The following RANBP10 variants were observed in gnomAD, a reference collection of about 807,000 sequenced individuals.
RANBP10 encodes RAN binding protein 10, also known as ran-binding protein 10.
RANBP10 carries 24 observed loss-of-function variants against 72.8 expected under a neutral mutation model. The observed-to-expected ratio is 0.33, with a 90% CI of 0.24 to 0.46. The LOEUF is 0.46. Among genes scored for constraint, RANBP10 ranks in the 20% least tolerant of loss-of-function variants. The pLI, the probability that RANBP10 is intolerant of heterozygous loss-of-function variation, is 1.00. For missense variants in RANBP10, 679 were observed against 817.5 expected, an observed-to-expected ratio of 0.83 and a Z score of 2.07; for synonymous variants, 310 against 322.3, an observed-to-expected ratio of 0.96 and a Z score of 0.41.
Position 67,723,381 on chromosome 16 carries a change from G to A in RANBP10, c.*3047C>T, listed in dbSNP as rs2053558047. 1 of 152,710 alleles carries A rather than the reference G, an allele frequency of 6.5e-6. No homozygotes were observed. Among genetic ancestry groups the A allele is most frequent in the South Asian group, 2.1e-4 (1 of 4,838 alleles). The allele number at this position is 152,710 out of a possible 1,614,324, so 9.5% of individuals were successfully genotyped here. A position where few individuals can be genotyped will look rare whatever the true frequency, so the allele number is the denominator to read the frequency against. ...CAGGTCTGGGTGCATGAGACTGGCA[G>A]TCTAGTAGGGCTCCGCTGCCTGGCT... On this transcript the variant is annotated 3_prime_UTR_variant, in exon 14 of 14. Transcript: ENST00000317506.
chr16:67,754,235 G>A (rs1041848655), intron 3 of RANBP10, among the ~76,000 whole-genome samples: 1 of 152,144 alleles, frequency 6.6e-6, no homozygotes, highest in Admixed American at 6.5e-5. Flanking sequence ...GTAGCCAGCG[G>A]CTGAACAAGG....
chr16:67,787,848 A>T (rs1030304387), intron 2 of RANBP10, among the ~76,000 whole-genome samples: 23 of 151,296 alleles, frequency 1.5e-4, no homozygotes, highest in South Asian at 4.2e-4. Flanking sequence ...AAAAAAAAAA[A>T]TTTTTTTTTG....
At chr16:67,728,738 C>A (rs770934910) in intron 10 of RANBP10, 4 of 733,238 alleles carry the variant, frequency 5.5e-6, no homozygotes, top group Non-Finnish European at 8.8e-6. Context: ...CCAGTGCTGC[C>A]TCTGTGATTC....
intron 3 of RANBP10, 68 bp from the exon 4 acceptor site, chr16:67,744,523 C>A (rs925059357): frequency 8.9e-5 from 131 of 1,479,208 alleles, no homozygotes; most frequent in Non-Finnish European, 1.1e-4. Context: ...GTCACAGAAG[C>A]CCACCCAGGT....
At chr16:67,726,672 G>A (rs1351659563) in intron 13 of RANBP10, 114 bp from the exon 14 acceptor site, 2 of 1,254,372 alleles carry the variant, frequency 1.6e-6, no homozygotes, top group Non-Finnish European at 2.2e-6. Context: ...GGAACAGAGT[G>A]TTCAGTACCT....
chr16:67,750,111 G>T (rs1053747139), intron 3 of RANBP10, among the ~76,000 whole-genome samples: 2 of 152,188 alleles, frequency 1.3e-5, no homozygotes, highest in Non-Finnish European at 2.9e-5. Flanking sequence ...AGGGGTCTGG[G>T]ATGCCAGGAG....
intron 4 of RANBP10, among the ~76,000 whole-genome samples, chr16:67,743,608 A>T (rs2054011479): frequency 6.6e-6 from 1 of 152,130 alleles, no homozygotes; most frequent in Non-Finnish European, 1.5e-5. Flanking sequence ...GGTTAACAAC[A>T]GTACTAATCC....
At chr16:67,806,198 G>C (rs1457413227) in intron 1 of RANBP10, 104 bp downstream of exon 1, 1 of 1,142,862 alleles carries the variant, frequency 8.7e-7, no homozygotes, top group Non-Finnish European at 1.2e-6. Context: ...CCCTAACTTG[G>C]AGCACCTAGG....
intron 2 of RANBP10, among the ~76,000 whole-genome samples, chr16:67,774,820 A>G (rs1231518167): frequency 2.0e-5 from 3 of 152,348 alleles, no homozygotes; most frequent in Non-Finnish European, 1.5e-5. Context: ...GCACTCTTCT[A>G]TCTTCCAGAA....
chr16:67,723,475 ATCT>A lies in RANBP10; in HGVS notation c.*2950_*2952del, dbSNP rs888993152. On this transcript the variant is annotated 3_prime_UTR_variant, in exon 14 of 14. Transcript: ENST00000317506. ...TTCAGCTCTGACAATTCTCTGCCTC[ATCT>A]TCTTTGTGCTTGCTTAAGGAGTGGG... is the stretch of plus-strand genomic sequence containing the variant. The A allele has an allele frequency of 7.9e-5, 12 of 152,630 alleles. No individual in the cohort carries two copies. The highest frequency in any genetic ancestry group is 1.3e-4 in the Non-Finnish European group (9 of 68,064). The allele number at this position is 152,630 out of a possible 1,614,324, so 9.5% of individuals were successfully genotyped here.
chr16:67,759,233 G>A (rs919365), intron 3 of RANBP10, among the ~76,000 whole-genome samples: 152,353 of 152,360 alleles, frequency 1, 76,173 homozygotes, highest in Non-Finnish European at 1. Flanking sequence ...CCATGTGCCA[G>A]GGGTCTCTCG....
Position 67,729,660 on chromosome 16 carries a change from C to A in RANBP10, c.1147+20G>T. 6.3e-7 allele frequency: 1 copy of A among 1,597,394 alleles called. No individual in the cohort carries two copies. Among genetic ancestry groups the A allele is most frequent in the South Asian group, 1.1e-5 (1 of 88,408 alleles). ...TCCTCCACACCAGTTCTTCCCAGAG[C>A]CCTCTGGAGAGTGGCTGACCTGTGT... On this transcript the variant is annotated intron_variant, in intron 9 of 13. Coordinates refer to ENST00000317506, the MANE Select transcript of RANBP10 (RefSeq NM_020850.3). This position sits in a 1 kb window ranked among gnomAD's most constrained non-coding sequence, Gnocchi z 7.1.
At chr16:67,753,517 T>C (rs1228844267) in intron 3 of RANBP10, among the ~76,000 whole-genome samples, 2 of 152,082 alleles carry the variant, frequency 1.3e-5, no homozygotes, top group African/African-American at 4.8e-5. Context: ...CAAAGCCAGA[T>C]GATGGGCTAG....
intron 2 of RANBP10, among the ~76,000 whole-genome samples, chr16:67,779,417 A>G (rs918685676): frequency 6.6e-6 from 1 of 151,698 alleles, no homozygotes; most frequent in Non-Finnish European, 1.5e-5. Context: ...AAAAAAAAAC[A>G]CAGCGAGATA....
chr16:67,785,256 G>C lies in RANBP10; in HGVS notation c.348-13170C>G, dbSNP rs1319501399. On this transcript the variant is annotated intron_variant, in intron 2 of 13. Transcript: ENST00000317506. ...AAAAAGAAAGAAAGAAAGAAGGGAG[G>C]GAGGGAAGGAAGGGAAAAACTAAAA... is the stretch of plus-strand genomic sequence containing the variant. Among the ~76,000 whole-genome samples, 3 of 150,810 alleles carry C rather than the reference G, an allele frequency of 2.0e-5. No homozygotes were observed. In the East Asian group the frequency reaches 5.8e-4, roughly 29 times the overall value.
chr16:67,726,635 A>G lies in RANBP10; in HGVS notation c.1733-77T>C, dbSNP rs2053607278. The G allele has an allele frequency of 4.8e-6, 7 of 1,460,148 alleles. No individual in the cohort carries two copies. The Admixed American group carries it at 1.6e-4, about 34-fold the overall frequency. 90.4% of individuals were successfully genotyped at this position (1,460,148 alleles called of 1,614,324 possible). On this transcript the variant is annotated intron_variant, in intron 13 of 13. Transcript: ENST00000317506. ...AGGTCAAAGTTCCCTTGGGGGTGGA[A>G]GGAGGGGGCAGTGGACAGATTCTCT... is the stretch of plus-strand genomic sequence containing the variant.
chr16:67,788,171 C>G (rs1487692156), intron 2 of RANBP10, among the ~76,000 whole-genome samples: 1 of 151,710 alleles, frequency 6.6e-6, no homozygotes, highest in African/African-American at 2.4e-5. Flanking sequence ...TCTCAAGTAG[C>G]TGGAACTTTG....
At chr16:67,788,798 C>T (rs1368021419) in intron 2 of RANBP10, among the ~76,000 whole-genome samples, 4 of 150,862 alleles carry the variant, frequency 2.7e-5, no homozygotes, top group Admixed American at 2.0e-4. Context: ...GTCAGGAGTT[C>T]GAGACCAGCC....
At chr16:67,740,157 C>T (rs542620768) in intron 4 of RANBP10, among the ~76,000 whole-genome samples, 1 of 148,562 alleles carries the variant, frequency 6.7e-6, no homozygotes, top group South Asian at 2.1e-4. Flanking sequence ...GGCTGGAATG[C>T]AGTGGTGTGA....
Sources: allele counts gnomAD v4.1 joint callset (sites outside exome capture counted in the v4.1 genomes callset), GRCh38; gene constraint gnomAD v4.1.1; non-coding constraint Gnocchi (gnomAD v3.1); transcripts MANE v1.5; gene names NCBI Gene and HGNC (gene_info 2026-07-23, HGNC 2026-07-21).